Variants in HCRTR2 observed in about 807,000 individuals in gnomAD.
HCRTR2 encodes hypocretin receptor 2.
A neutral mutation model predicts 49.0 loss-of-function variants in HCRTR2; 22 were observed. That is an observed-to-expected ratio of 0.45 (90% CI 0.32 to 0.64). The LOEUF (loss-of-function observed/expected upper bound fraction) is 0.64. Ranked by LOEUF, HCRTR2 falls within the 30% of genes least tolerant of loss-of-function variation. The pLI, the probability that HCRTR2 is intolerant of heterozygous loss-of-function variation, is 0.04. For synonymous variants in HCRTR2, 236 were observed against 205.3 expected (o/e 1.15, Z -1.28); for missense variants, 491 against 559.4 (o/e 0.88, Z 1.23).
At chr6:55,140,612 T>C (rs2127252547) in intron 1 of HCRTR2, among the ~76,000 whole-genome samples, 1 of 152,252 alleles carries the variant, frequency 6.6e-6, no homozygotes, top group Admixed American at 6.5e-5. Flanking sequence ...ATACTTAGAT[T>C]TTACAAAATT....
chr6:55,220,062 C>G (rs1765863018), intron 1 of HCRTR2, among the ~76,000 whole-genome samples: 1 of 151,736 alleles, frequency 6.6e-6, no homozygotes, highest in Non-Finnish European at 1.5e-5. Context: ...AGAAACTTCC[C>G]AAAAAAGAAA....
chr6:55,136,803 C>T (rs1336990960), intron 1 of HCRTR2, among the ~76,000 whole-genome samples: 3 of 152,124 alleles, frequency 2.0e-5, no homozygotes, highest in African/African-American at 7.2e-5. Flanking sequence ...GCTCCTTTCT[C>T]ACTTGCGCTT....
At position 55,157,967 on chromosome 6, in the gene HCRTR2, G is replaced by A. The variant is rs559001673; in HGVS notation, c.-377-16244G>A. ...TAAATACCTAACTTCTCAATGCCCA[G>A]AAACTGATGAACATCCACAAGCTTT... On this transcript the variant is annotated intron_variant, in intron 1 of 7. Coordinates refer to the HCRTR2 transcript ENST00000615358. Among the ~76,000 whole-genome samples, 10 of 152,338 alleles carry A rather than the reference G, an allele frequency of 6.6e-5. No individual in the cohort carries two copies. In the East Asian group the frequency reaches 1.9e-3, roughly 29 times the overall value.
intron 1 of HCRTR2, among the ~76,000 whole-genome samples, chr6:55,120,101 G>T (rs1764175173): frequency 6.6e-6 from 1 of 152,106 alleles, no homozygotes; most frequent in Non-Finnish European, 1.5e-5. Flanking sequence ...TGTTATTTCT[G>T]AGGCCTCTAT....
In HCRTR2 at chr6:55,254,062, A is replaced by G. The variant is rs115049306; in HGVS notation, c.403-1074A>G. On this transcript the variant is annotated intron_variant, in intron 2 of 6. Transcript: ENST00000370862. ...TAAAAACAAAATATTTCTTAAATGC[A>G]TAATGGATATCAAATGTTGTATCAG... Among the ~76,000 whole-genome samples the G allele has an allele frequency of 8.5e-3, 1,292 of 152,298 alleles. 18 individuals are homozygous for G. The highest frequency in any genetic ancestry group is 0.03 in the African/African-American group (1,243 of 41,578).
chr6:55,183,259 A>G (rs762795157), intron 1 of HCRTR2, among the ~76,000 whole-genome samples: 1 of 152,246 alleles, frequency 6.6e-6, no homozygotes, highest in Non-Finnish European at 1.5e-5. Context: ...AGAGAGATAC[A>G]GGAGGAGATG....
At chr6:55,268,246 A>G (rs1766899167) in intron 4 of HCRTR2, among the ~76,000 whole-genome samples, 1 of 152,182 alleles carries the variant, frequency 6.6e-6, no homozygotes, top group African/African-American at 2.4e-5. Flanking sequence ...GTATACAGAA[A>G]ATATTTAACA....
intron 3 of HCRTR2, among the ~76,000 whole-genome samples, chr6:55,257,904 TAC>T (rs1279653041): frequency 6.6e-6 from 1 of 151,954 alleles, no homozygotes; most frequent in Non-Finnish European, 1.5e-5. Flanking sequence ...GTAAAAGCTA[TAC>T]AGTCATTTAA....
chr6:55,201,166 T>C (rs10948894), intron 1 of HCRTR2, among the ~76,000 whole-genome samples: 32,723 of 152,024 alleles, frequency 0.22, 3,673 homozygotes, highest in Admixed American at 0.3. Flanking sequence ...TTTTGGATTT[T>C]GGATTAAGTG....
At chr6:55,141,882 A>G (rs184477118) in intron 1 of HCRTR2, among the ~76,000 whole-genome samples, 1 of 152,234 alleles carries the variant, frequency 6.6e-6, no homozygotes, top group African/African-American at 2.4e-5. Flanking sequence ...AGTAAAAGCT[A>G]TAGAAACCCA....
Position 55,174,520 on chromosome 6 carries a change from T to C in HCRTR2, c.-68T>C. On this transcript the variant is annotated 5_prime_UTR_variant, in exon 1 of 7. Transcript: ENST00000370862. ...TCCGCGCAGCCTTTCCCACCGCAAA[T>C]CACCAGTGCTCATGGGGCAGGCGGA... 1 of 1,315,892 alleles carries C rather than the reference T, an allele frequency of 7.6e-7. No individual in the cohort carries two copies. Among genetic ancestry groups the C allele is most frequent in the South Asian group, 1.2e-5 (1 of 85,074 alleles). The allele number at this position is 1,315,892 out of a possible 1,614,324, so 81.5% of individuals were successfully genotyped here.
At chr6:55,239,508 G>A (rs1360933981) in intron 1 of HCRTR2, among the ~76,000 whole-genome samples, 4 of 152,156 alleles carry the variant, frequency 2.6e-5, no homozygotes, top group African/African-American at 9.7e-5. Flanking sequence ...ACATTTGTGT[G>A]TGTGAAGATA....
At chr6:55,243,642 A>G (rs1481266773) in intron 1 of HCRTR2, among the ~76,000 whole-genome samples, 1 of 152,172 alleles carries the variant, frequency 6.6e-6, no homozygotes, top group Non-Finnish European at 1.5e-5. Flanking sequence ...GAGCAAATCA[A>G]TTCCATCCAT....
rs190784320 is a variant in HCRTR2 at position 55,160,080 on chromosome 6, C to T, written c.-377-14131C>T. Among the ~76,000 whole-genome samples the T allele has an allele frequency of 5.3e-5, 8 of 152,170 alleles. No individual in the cohort carries two copies. The East Asian group carries it at 1.2e-3, about 22-fold the overall frequency. ...AATACAGGAAAAAAGTTAAGGGCAG[C>T]CAGAGAGAAAGGTCGGGTTACCCAC... On this transcript the variant is annotated intron_variant, in intron 1 of 7. Transcript: ENST00000615358.
intron 1 of HCRTR2, among the ~76,000 whole-genome samples, chr6:55,126,298 T>C (rs182380122): frequency 5.3e-5 from 8 of 152,112 alleles, no homozygotes; most frequent in African/African-American, 1.9e-4. Flanking sequence ...TTGAATGGAG[T>C]CTTTGAGTGA....
intron 1 of HCRTR2, among the ~76,000 whole-genome samples, chr6:55,136,234 T>G (rs1344663467): frequency 6.6e-6 from 1 of 152,142 alleles, no homozygotes; most frequent in Non-Finnish European, 1.5e-5. Context: ...ATGAAAAATA[T>G]ATAGACAATT....
At chr6:55,184,610 C>A (rs1018366664) in intron 1 of HCRTR2, among the ~76,000 whole-genome samples, 2 of 152,146 alleles carry the variant, frequency 1.3e-5, no homozygotes, top group African/African-American at 4.8e-5. Flanking sequence ...GCTACATTGA[C>A]CCCAAGTGAG....
chr6:55,279,990 A>G (rs1171044139), intron 5 of HCRTR2, among the ~76,000 whole-genome samples: 1 of 151,962 alleles, frequency 6.6e-6, no homozygotes, highest in African/African-American at 2.4e-5. Flanking sequence ...ATATTAATAC[A>G]ACATTATTCA....
chr6:55,258,944 G>A (rs776824366), intron 3 of HCRTR2, among the ~76,000 whole-genome samples: 4 of 152,162 alleles, frequency 2.6e-5, no homozygotes, highest in South Asian at 2.1e-4. Context: ...CCAGCTACTC[G>A]GGAAGCTGAG....
Sources: allele counts gnomAD v4.1 joint callset (sites outside exome capture counted in the v4.1 genomes callset), GRCh38; gene constraint gnomAD v4.1.1; transcripts MANE v1.5; gene names NCBI Gene and HGNC (gene_info 2026-07-23, HGNC 2026-07-21).